The following MOSPD1 variants were observed in gnomAD, a reference collection of about 807,000 sequenced individuals.
MOSPD1 encodes motile sperm domain-containing protein 1.
MOSPD1 carries 5 observed loss-of-function variants against 16.7 expected under a neutral mutation model. The observed-to-expected ratio is 0.30, with a 90% CI of 0.16 to 0.63. The LOEUF (loss-of-function observed/expected upper bound fraction) is 0.63. MOSPD1 is among the 30% of genes least tolerant of loss of function. The pLI, the probability that MOSPD1 is intolerant of heterozygous loss-of-function variation, is 0.82. For synonymous variants in MOSPD1, 67 were observed against 59.2 expected (o/e 1.13, Z -0.61); for missense variants, 104 against 153.6 (o/e 0.68, Z 1.71).
In MOSPD1 at chrX:134,902,390, CATAAATAA is replaced by C. The variant is rs763157635; in HGVS notation, c.-101-2864_-101-2857del. The stretch of plus-strand genomic sequence containing the variant: ...GGGCAACAAGAGCGAAATTCCGTCT[CATAAATAA>C]ATAAATAAATAAATAAATAAATAAA... On this transcript the variant is annotated intron_variant, in intron 1 of 5. Coordinates refer to ENST00000370783, the MANE Select transcript of MOSPD1 (RefSeq NM_019556.3). Among the ~76,000 whole-genome samples the C allele has an allele frequency of 2.0e-3, 200 of 99,526 alleles. 4 individuals are homozygous for C. In the East Asian group the frequency reaches 0.045, roughly 22 times the overall value. 86.4% of individuals were successfully genotyped at this position (99,526 alleles called of 115,157 possible).
intron 5 of MOSPD1, among the ~76,000 whole-genome samples, chrX:134,889,673 A>T (rs2082851536): frequency 1.0e-5 from 1 of 99,228 alleles, no homozygotes; most frequent in Non-Finnish European, 2.1e-5. Context: ...TCCTAAATGA[A>T]GGATGATGAA....
At chrX:134,903,609 G>A (rs760000049) in intron 1 of MOSPD1, among the ~76,000 whole-genome samples, 1 of 107,110 alleles carries the variant, frequency 9.3e-6, no homozygotes, top group African/African-American at 3.4e-5. Context: ...CTACTTGGGA[G>A]GCTGAGGCAG....
chrX:134,899,243 C>A (rs2082900548), intron 2 of MOSPD1, 37 bp downstream of exon 2: 3 of 1,176,345 alleles, frequency 2.6e-6, no homozygotes, highest in South Asian at 2.0e-5. Context: ...TAGTAGGGAC[C>A]AGTTAAAAAC....
chrX:134,905,203 CA>C (rs374729743), intron 1 of MOSPD1, among the ~76,000 whole-genome samples: 150 of 99,260 alleles, frequency 1.5e-3, no homozygotes, highest in African/African-American at 4.2e-3. Flanking sequence ...ACTAAAAATA[CA>C]AAAAAAAAAA....
At chrX:134,902,428 A>T (rs867546454) in intron 1 of MOSPD1, among the ~76,000 whole-genome samples, 1 of 80,295 alleles carries the variant, frequency 1.2e-5, no homozygotes. Flanking sequence ...AATAAATAAA[A>T]CAAAAAACCA....
At chrX:134,911,699 C>A in intron 1 of MOSPD1, among the ~76,000 whole-genome samples, 1 of 112,157 alleles carries the variant, frequency 8.9e-6, no homozygotes, top group Non-Finnish European at 1.9e-5. Context: ...CTGACAATTT[C>A]TTGATGTGCC....
intron 1 of MOSPD1, among the ~76,000 whole-genome samples, chrX:134,902,880 C>T (rs1411974393): frequency 2.8e-5 from 3 of 105,695 alleles, no homozygotes; most frequent in East Asian, 2.9e-4. Flanking sequence ...AAAAACCAAA[C>T]TAAGATTATT....
At chrX:134,891,762 C>A in intron 4 of MOSPD1, 122 bp from the exon 5 acceptor site, 1 of 710,740 alleles carries the variant, frequency 1.4e-6, no homozygotes, top group Non-Finnish European at 2.0e-6. Context: ...ATTGTTTCCC[C>A]ATCATTTTTT....
At chrX:134,890,074 C>CAA (rs10691243) in intron 5 of MOSPD1, among the ~76,000 whole-genome samples, 18,541 of 56,817 alleles carry the variant, frequency 0.33, 2,774 homozygotes, top group Middle Eastern at 0.47. Flanking sequence ...GACTTTATCT[C>CAA]AAAAAAAAAA....
chrX:134,896,242 A>G (rs1225488818), intron 4 of MOSPD1, among the ~76,000 whole-genome samples: 1 of 111,743 alleles, frequency 8.9e-6, no homozygotes, highest in East Asian at 2.8e-4. Flanking sequence ...ATATCATAAC[A>G]CTTCTGAATA....
rs2082844975 is a variant in MOSPD1 at position 134,888,514 on chromosome X, G to A, written c.*647C>T. The A allele has an allele frequency of 9.1e-6, 1 of 110,472 alleles. No individual in the cohort carries two copies. Among genetic ancestry groups the A allele is most frequent in the Admixed American group, 9.8e-5 (1 of 10,256 alleles). 9.1% of individuals were successfully genotyped at this position (110,472 alleles called of 1,213,427 possible). On this transcript the variant is annotated 3_prime_UTR_variant, in exon 6 of 6. Transcript: ENST00000370783. ...GAGAGAGGTCACCCTACTTCTATTAGGTTTTTTAAAAAAAAACCCCTATGA... is the reference window on the plus strand; with the variant it reads ...GAGAGAGGTCACCCTACTTCTATTAAGTTTTTTAAAAAAAAACCCCTATGA...
At chrX:134,893,296 A>G (rs2082870789) in intron 4 of MOSPD1, among the ~76,000 whole-genome samples, 1 of 111,912 alleles carries the variant, frequency 8.9e-6, no homozygotes, top group South Asian at 3.7e-4. Flanking sequence ...GAGTACCTTT[A>G]TAGTTATCTT....
intron 1 of MOSPD1, among the ~76,000 whole-genome samples, chrX:134,904,712 A>G (rs1467323820): frequency 1.8e-5 from 2 of 110,498 alleles, no homozygotes; most frequent in African/African-American, 3.3e-5. Context: ...ACATACTAAA[A>G]TTAGCCGGGC....
chrX:134,899,947 C>T (rs1284912213), intron 1 of MOSPD1: 1 of 111,611 alleles, frequency 9.0e-6, no homozygotes, highest in Non-Finnish European at 1.9e-5. Flanking sequence ...CAGAGGGAGA[C>T]TCCGACTCAA....
At chrX:134,896,001 A>T (rs1322943771) in intron 4 of MOSPD1, among the ~76,000 whole-genome samples, 1 of 111,322 alleles carries the variant, frequency 9.0e-6, no homozygotes, top group Non-Finnish European at 1.9e-5. Context: ...ATGTAACAGC[A>T]AGTAGATTTT....
chrX:134,897,546 T>TA (rs1221758366), intron 3 of MOSPD1, among the ~76,000 whole-genome samples: 1,605 of 57,829 alleles, frequency 0.028, 38 homozygotes, highest in Non-Finnish European at 0.031. Context: ...TCTGTCTTAT[T>TA]AAAAAAAAAA....
intron 1 of MOSPD1, among the ~76,000 whole-genome samples, chrX:134,908,220 G>T (rs185324089): frequency 2.6e-4 from 29 of 112,452 alleles, no homozygotes; most frequent in Non-Finnish European, 3.8e-4. Context: ...GCACTTAGCA[G>T]ATAGCTAAAA....
intron 1 of MOSPD1, among the ~76,000 whole-genome samples, chrX:134,907,605 C>T (rs1419254394): frequency 3.6e-5 from 4 of 112,491 alleles, no homozygotes; most frequent in Non-Finnish European, 7.5e-5. Flanking sequence ...TGGCTCACGC[C>T]TGTAATCTCA....
At chrX:134,901,478 C>A (rs368543935) in intron 1 of MOSPD1, among the ~76,000 whole-genome samples, 1 of 110,240 alleles carries the variant, frequency 9.1e-6, no homozygotes, top group Non-Finnish European at 1.9e-5. Flanking sequence ...GTGAAGCCCC[C>A]GTCTCTACTA....
Sources: allele counts gnomAD v4.1 joint callset (sites outside exome capture counted in the v4.1 genomes callset), GRCh38; gene constraint gnomAD v4.1.1; transcripts MANE v1.5; gene names NCBI Gene and HGNC (gene_info 2026-07-23, HGNC 2026-07-21).